SNTB1: variants seen among roughly 807,000 people sequenced by gnomAD.
SNTB1 encodes the protein syntrophin beta 1.
In SNTB1, 36 loss-of-function variants were observed where a neutral mutation model predicts 48.9. The ratio of observed to expected loss-of-function variants is 0.74; its 90% confidence interval spans 0.56 to 0.97. The LOEUF (loss-of-function observed/expected upper bound fraction) is 0.97. Among genes scored for constraint, SNTB1 ranks in the 50% least tolerant of loss-of-function variants. SNTB1 has a pLI of 0.00. For synonymous variants in SNTB1, 299 were observed against 294.6 expected, an observed-to-expected ratio of 1.01 and a Z score of -0.15; for missense variants, 786 against 703.4, an observed-to-expected ratio of 1.12 and a Z score of -1.33.
intron 3 of SNTB1, among the ~76,000 whole-genome samples, chr8:120,603,404 C>G (rs1021738475): frequency 9.2e-5 from 14 of 152,160 alleles, no homozygotes. Flanking sequence ...CCCAGCTACC[C>G]TAGATTTTTA....
intron 2 of SNTB1, among the ~76,000 whole-genome samples, chr8:120,633,637 A>T (rs1398307454): frequency 3.9e-5 from 6 of 152,092 alleles, no homozygotes; most frequent in African/African-American, 1.4e-4. Context: ...TTAAAATAAA[A>T]ATAAAAGTCC....
At chr8:120,801,414 T>C (rs1020515488) in intron 1 of SNTB1, among the ~76,000 whole-genome samples, 3 of 152,072 alleles carry the variant, frequency 2.0e-5, no homozygotes, top group Admixed American at 2.0e-4. Context: ...TATTATTGTT[T>C]TATAAAATCT....
chr8:120,718,500 A>G (rs1250119618), intron 1 of SNTB1, among the ~76,000 whole-genome samples: 2 of 152,208 alleles, frequency 1.3e-5, no homozygotes, highest in African/African-American at 4.8e-5. Context: ...GGCCAAATAT[A>G]TTTTATTACA....
intron 3 of SNTB1, among the ~76,000 whole-genome samples, chr8:120,622,656 C>T (rs1187512123): frequency 6.6e-6 from 1 of 152,204 alleles, no homozygotes; most frequent in Middle Eastern, 3.4e-3. Context: ...TAAAAGTAAA[C>T]TTCTAGGTGG....
At chr8:120,629,045 C>T (rs1236814118) in intron 3 of SNTB1, among the ~76,000 whole-genome samples, 1 of 152,156 alleles carries the variant, frequency 6.6e-6, no homozygotes, top group Non-Finnish European at 1.5e-5. Context: ...CCGCTTGTCA[C>T]TTTTCTCCAG....
At position 120,633,622 on chromosome 8, in the gene SNTB1, A is replaced by ATAAAG. The variant is rs1416477308; in HGVS notation, c.789-972_789-971insCTTTA. Among the ~76,000 whole-genome samples, 3 of 152,278 alleles carry ATAAAG rather than the reference A, an allele frequency of 2.0e-5. No homozygotes were observed. The East Asian group carries it at 5.8e-4, about 29-fold the overall frequency. On this transcript the variant is annotated intron_variant, in intron 2 of 6. Transcript: ENST00000517992. Reference sequence around the variant, plus strand: ...TCGGTCTCAAATAAAATAAAATAAAATAAATTAAAATAAAAATAAAAGTCC... The same window carrying ATAAAG: ...TCGGTCTCAAATAAAATAAAATAAAATAAAGTAAATTAAAATAAAAATAAAAGTCC...
intron 1 of SNTB1, among the ~76,000 whole-genome samples, chr8:120,720,973 A>G (rs1192227092): frequency 6.6e-6 from 1 of 152,194 alleles, no homozygotes; most frequent in Non-Finnish European, 1.5e-5. Context: ...CATGAGAAGG[A>G]ATTTTCTGAC....
intron 1 of SNTB1, among the ~76,000 whole-genome samples, chr8:120,804,010 A>G (rs1031056464): frequency 6.6e-6 from 1 of 152,158 alleles, no homozygotes; most frequent in Non-Finnish European, 1.5e-5. Flanking sequence ...GGCTTAAATT[A>G]AATGTTTCCT....
intron 1 of SNTB1, among the ~76,000 whole-genome samples, chr8:120,743,934 G>T (rs1819083231): frequency 6.6e-6 from 1 of 152,050 alleles, no homozygotes; most frequent in East Asian, 1.9e-4. Context: ...TTCAAGACCA[G>T]CCTGGGTGAC....
chr8:120,764,064 G>A (rs1309266695), intron 1 of SNTB1, among the ~76,000 whole-genome samples: 1 of 152,118 alleles, frequency 6.6e-6, no homozygotes, highest in Non-Finnish European at 1.5e-5. Flanking sequence ...TTTTGACTCA[G>A]AATAAATTCT....
chr8:120,616,142 G>C (rs143549201), intron 3 of SNTB1, among the ~76,000 whole-genome samples: 4 of 151,998 alleles, frequency 2.6e-5, no homozygotes, highest in African/African-American at 9.7e-5. Flanking sequence ...TCTCCAAGTC[G>C]GTAATGATTC....
At chr8:120,550,344 C>T (rs769820781) in intron 4 of SNTB1, among the ~76,000 whole-genome samples, 1 of 151,892 alleles carries the variant, frequency 6.6e-6, no homozygotes, top group African/African-American at 2.4e-5. Context: ...AAGTTTGAGA[C>T]CAGCCTGGCC....
intron 1 of SNTB1, among the ~76,000 whole-genome samples, chr8:120,728,601 T>G (rs1447543410): frequency 6.6e-6 from 1 of 152,230 alleles, no homozygotes; most frequent in African/African-American, 2.4e-5. Context: ...TTTGGTTTTC[T>G]GTTCCTGCAT....
At chr8:120,726,382 G>A (rs1818756011) in intron 1 of SNTB1, among the ~76,000 whole-genome samples, 2 of 151,964 alleles carry the variant, frequency 1.3e-5, no homozygotes, top group Admixed American at 6.6e-5. Flanking sequence ...CAAAAGAACC[G>A]CCTATTTCTG....
intron 3 of SNTB1, among the ~76,000 whole-genome samples, chr8:120,617,787 A>G (rs889582653): frequency 6.6e-6 from 1 of 152,252 alleles, no homozygotes; most frequent in Non-Finnish European, 1.5e-5. Context: ...TAAGCCAAAC[A>G]GGGTGAAAGT....
intron 1 of SNTB1, among the ~76,000 whole-genome samples, chr8:120,798,950 C>T (rs999027209): frequency 6.6e-6 from 1 of 152,174 alleles, no homozygotes; most frequent in African/African-American, 2.4e-5. Flanking sequence ...AAAATACCTT[C>T]AGTTCTCTCC....
rs188790471 is a variant in SNTB1, at chr8:120,655,843, T to C, written c.789-23192A>G. Among the ~76,000 whole-genome samples, 501 of 152,180 alleles carry C rather than the reference T, an allele frequency of 3.3e-3. 2 individuals carry two copies. Among genetic ancestry groups the C allele is most frequent in the Admixed American group, 9.6e-3 (147 of 15,294 alleles). ...TTCTGAAGGAGGCAACATCAGGAAG[T>C]AAATGTGCATAGACATGCATAGACT... On this transcript the variant is annotated intron_variant, in intron 2 of 6. Transcript: ENST00000517992.
At chr8:120,708,992 A>C (rs1818420227) in intron 1 of SNTB1, among the ~76,000 whole-genome samples, 1 of 152,142 alleles carries the variant, frequency 6.6e-6, no homozygotes, top group East Asian at 1.9e-4. Context: ...AATGACAAGA[A>C]GAAGCAATTC....
At chr8:120,785,585 C>T (rs1275510871) in intron 1 of SNTB1, among the ~76,000 whole-genome samples, 1 of 152,224 alleles carries the variant, frequency 6.6e-6, no homozygotes, top group African/African-American at 2.4e-5. Context: ...CTTGAGCCCG[C>T]ACATGAGAAG....
Sources: gnomAD v4.1 joint callset for allele counts (sites outside exome capture counted in the v4.1 genomes callset) on GRCh38, gnomAD v4.1.1 for gene constraint, MANE v1.5 for transcripts, NCBI Gene and HGNC (gene_info 2026-07-23, HGNC 2026-07-21) for gene names.